FRS2: variants seen among roughly 807,000 people sequenced by gnomAD.
The protein encoded by FRS2 is fibroblast growth factor receptor substrate 2, also known as FGFR signalling adaptor.
FRS2 carries 8 observed loss-of-function variants against 43.9 expected under a neutral mutation model. The observed-to-expected ratio is 0.18, with a 90% CI of 0.11 to 0.33. FRS2 has a LOEUF of 0.33. FRS2 is among the 10% of genes least tolerant of loss of function. The pLI is 1.00. For missense variants in FRS2, 534 were observed against 627.6 expected (o/e 0.85, Z 1.59); for synonymous variants, 219 against 220.3 (o/e 0.99, Z 0.05).
chr12:69,535,463 A>C (rs1398309726), intron 3 of FRS2, among the ~76,000 whole-genome samples: 1 of 152,174 alleles, frequency 6.6e-6, no homozygotes, highest in Non-Finnish European at 1.5e-5. Context: ...CATGAGCATC[A>C]TATTATTTTT....
At chr12:69,552,910 C>T (rs1490409297) in intron 3 of FRS2, among the ~76,000 whole-genome samples, 1 of 150,302 alleles carries the variant, frequency 6.7e-6, no homozygotes, top group East Asian at 1.9e-4. Flanking sequence ...AAAAAGTAAA[C>T]TAAAAAGGAA....
rs752037897 is a variant in FRS2 at position 69,574,576 on chromosome 12, A to G, written c.1148A>G (p.His383Arg). ...AAGACCCCATCTCTAAATGGCTACC[A>G]TAATAATCTAGATCCAATGCATAAC... The part of the protein sequence containing the change: ...GPKTPSLNGY[H>R]NNLDPMHNYV... The change falls in exon 9 of 9, where the codon CAT (histidine) becomes CGT (arginine). Residue 383 changes from histidine (H) to arginine (R), a missense_variant. His to Arg is a conservative substitution (Grantham distance 29, BLOSUM62 0). Coordinates refer to ENST00000549921, the MANE Select transcript of FRS2 (RefSeq NM_001278356.2). 20 of 1,614,122 alleles carry G rather than the reference A, an allele frequency of 1.2e-5. No homozygotes were observed. The highest frequency in any genetic ancestry group is 1.6e-5 in the Non-Finnish European group (19 of 1,179,950).
At chr12:69,483,348 G>C (rs1331596897) in intron 1 of FRS2, among the ~76,000 whole-genome samples, 1 of 152,116 alleles carries the variant, frequency 6.6e-6, no homozygotes, top group East Asian at 1.9e-4. Flanking sequence ...CCTCTTTGTA[G>C]TTACAATGCC....
At chr12:69,572,026 T>A (rs1880805390) in intron 7 of FRS2, 92 bp from the exon 8 acceptor site, 1 of 855,800 alleles carries the variant, frequency 1.2e-6, no homozygotes, top group Admixed American at 2.6e-5. Flanking sequence ...CAGAAAGACC[T>A]CCTATAATCC....
At chr12:69,511,249 T>C (rs1874423839) in intron 1 of FRS2, among the ~76,000 whole-genome samples, 4 of 152,206 alleles carry the variant, frequency 2.6e-5, no homozygotes, top group African/African-American at 7.2e-5. Context: ...ACCTCCATCA[T>C]TCATTAAGCA....
chr12:69,496,598 C>A (rs1181129272), intron 1 of FRS2, among the ~76,000 whole-genome samples: 1 of 152,144 alleles, frequency 6.6e-6, no homozygotes, highest in Non-Finnish European at 1.5e-5. Flanking sequence ...GGCTTCAGAT[C>A]AGGTATATAT....
At chr12:69,563,937 T>C (rs1335831097) in intron 4 of FRS2, among the ~76,000 whole-genome samples, 1 of 152,184 alleles carries the variant, frequency 6.6e-6, no homozygotes. Flanking sequence ...GATCCATCAA[T>C]TAGCCCTTCT....
intron 5 of FRS2, among the ~76,000 whole-genome samples, chr12:69,569,766 G>A (rs1368003330): frequency 1.3e-5 from 2 of 152,166 alleles, no homozygotes; most frequent in Non-Finnish European, 2.9e-5. Context: ...ACTCCCAGGG[G>A]AATAGTAACT....
intron 3 of FRS2, among the ~76,000 whole-genome samples, chr12:69,557,626 G>GCGCGCGCA (rs1555192571): frequency 1.4e-5 from 2 of 142,244 alleles, no homozygotes; most frequent in African/African-American, 2.7e-5. Flanking sequence ...GTGTGCGCGC[G>GCGCGCGCA]CGCGCGCGCG....
chr12:69,485,528 G>A (rs1565717637), intron 1 of FRS2, among the ~76,000 whole-genome samples: 1 of 151,204 alleles, frequency 6.6e-6, no homozygotes, highest in Non-Finnish European at 1.5e-5. Flanking sequence ...TGTCACCCAG[G>A]CTGGAGTGCA....
At chr12:69,475,736 A>T (rs1344894453) in intron 1 of FRS2, among the ~76,000 whole-genome samples, 1 of 152,108 alleles carries the variant, frequency 6.6e-6, no homozygotes, top group Non-Finnish European at 1.5e-5. Context: ...GGCATTACGT[A>T]TCATCACTTT....
intron 1 of FRS2, among the ~76,000 whole-genome samples, chr12:69,527,370 G>A (rs1302539226): frequency 1.7e-4 from 3 of 17,810 alleles, no homozygotes; most frequent in South Asian, 8.3e-3. Context: ...TTTTTAAAGA[G>A]ACAAGGTCTA....
intron 3 of FRS2, among the ~76,000 whole-genome samples, chr12:69,543,387 T>C (rs907555359): frequency 2.6e-5 from 4 of 152,248 alleles, no homozygotes; most frequent in Admixed American, 6.5e-5. Context: ...CTAAAACTTA[T>C]TAAGCATTTA....
chr12:69,551,578 G>A (rs1878876257), intron 3 of FRS2, among the ~76,000 whole-genome samples: 2 of 152,194 alleles, frequency 1.3e-5, no homozygotes, highest in Admixed American at 1.3e-4. Flanking sequence ...TGGTAGAGAG[G>A]AAAACTGAAC....
intron 8 of FRS2, among the ~76,000 whole-genome samples, chr12:69,572,823 A>AT (rs1257347606): frequency 6.6e-6 from 1 of 152,140 alleles, no homozygotes; most frequent in East Asian, 1.9e-4. Flanking sequence ...TCTTTACATA[A>AT]TGAGTTGTTA....
rs535324277 is a variant in FRS2, at chr12:69,556,805, T to A, written c.-121-5375T>A. ...AATCTTGAAATTAGAGTGACTTGGA[T>A]TTAAATTTTGTTGTTTTAAAAAATA... On this transcript the variant is annotated intron_variant, in intron 3 of 8. Coordinates refer to ENST00000549921, the MANE Select transcript of FRS2 (RefSeq NM_001278356.2). Among the ~76,000 whole-genome samples, 198 of 152,324 alleles carry A rather than the reference T, an allele frequency of 1.3e-3. 1 individual carries two copies. Among genetic ancestry groups the A allele is most frequent in the Non-Finnish European group, 2.1e-3 (146 of 68,016 alleles).
intron 3 of FRS2, among the ~76,000 whole-genome samples, chr12:69,556,012 G>T (rs1034213637): frequency 2.8e-5 from 4 of 141,612 alleles, no homozygotes; most frequent in Non-Finnish European, 4.6e-5. Context: ...GTGTGGCGGG[G>T]GGGGGGGCGG....
chr12:69,492,821 C>T (rs1283614616), intron 1 of FRS2, among the ~76,000 whole-genome samples: 2 of 152,110 alleles, frequency 1.3e-5, no homozygotes, highest in South Asian at 4.1e-4. Context: ...CTGTTTGGTT[C>T]CATGGTGGAG....
chr12:69,549,364 T>C (rs1329996031), intron 3 of FRS2, among the ~76,000 whole-genome samples: 2 of 152,230 alleles, frequency 1.3e-5, no homozygotes, highest in Admixed American at 6.5e-5. Context: ...AAAGCTGTTT[T>C]GTTGTGTCTT....
Sources: gnomAD v4.1 joint callset for allele counts (sites outside exome capture counted in the v4.1 genomes callset) on GRCh38, gnomAD v4.1.1 for gene constraint, MANE v1.5 for transcripts, NCBI Gene and HGNC (gene_info 2026-07-23, HGNC 2026-07-21) for gene names.